The following DENND4B variants were observed in gnomAD, a reference collection of about 807,000 sequenced individuals.
DENND4B encodes DENN domain containing 4B.
A neutral mutation model predicts 161.0 loss-of-function variants in DENND4B; 67 were observed. That is an observed-to-expected ratio of 0.42 (90% CI 0.34 to 0.51). DENND4B has a LOEUF of 0.51. DENND4B is among the 20% of genes least tolerant of loss of function. DENND4B has a pLI of 0.08. For missense variants in DENND4B, 1,481 were observed against 1,968.0 expected, an observed-to-expected ratio of 0.75 and a Z score of 4.68; for synonymous variants, 753 against 813.8, an observed-to-expected ratio of 0.93 and a Z score of 1.27.
chr1:153,939,067 C>A, intron 12 of DENND4B, 22 bp from the exon 13 acceptor site: 1 of 1,609,474 alleles, frequency 6.2e-7, no homozygotes, highest in Non-Finnish European at 8.5e-7. Flanking sequence ...GAGAATGGGG[C>A]AGAGGAGGGG....
In DENND4B at chr1:153,930,384, C is replaced by T. The variant is rs747750051; in HGVS notation, c.4404G>A (p.Lys1468=). 3 of 1,614,038 alleles carry T rather than the reference C, an allele frequency of 1.9e-6. No individual in the cohort carries two copies. Among genetic ancestry groups the T allele is most frequent in the South Asian group, 2.2e-5 (2 of 91,092 alleles). ...AFNKLASSMG[K]EELRHRRAQM... ...GCGCCCGCCGGTGCCTCAGCTCCTC[C>T]TTGCCCATGCTGCTGGCCAGCTTGT... Residue 1468 remains lysine, a synonymous_variant, in exon 28 of 28, where the codon AAG becomes AAA. Transcript: ENST00000361217. The surrounding 1 kb of genome is among the most constrained non-coding windows in gnomAD (Gnocchi z 4.7).
Position 153,937,631 on chromosome 1 carries a change from A to G in DENND4B, c.2106-17T>C. Reference sequence around the variant, plus strand: ...CCATCATAGCTGGAGGGGCAGAGAGAAGCAACATCGGGGCAGTCAGCACAG... The same window carrying G: ...CCATCATAGCTGGAGGGGCAGAGAGGAGCAACATCGGGGCAGTCAGCACAG... On this transcript the variant is annotated splice_polypyrimidine_tract_variant and intron_variant, in intron 14 of 27. Coordinates refer to ENST00000361217, the MANE Select transcript of DENND4B (RefSeq NM_014856.3). This position sits in a 1 kb window ranked among gnomAD's most constrained non-coding sequence, Gnocchi z 4.7. 6.2e-7 allele frequency: 1 copy of G among 1,611,624 alleles called. No individual in the cohort carries two copies. Among genetic ancestry groups the G allele is most frequent in the Non-Finnish European group, 8.5e-7 (1 of 1,178,234 alleles).
In DENND4B at chr1:153,941,145, T is replaced by C. The variant is rs1679640928; in HGVS notation, c.1181+86A>G. The C allele has an allele frequency of 2.5e-6, 4 of 1,580,424 alleles. No individual in the cohort carries two copies. The East Asian group carries it at 7.0e-5, about 27-fold the overall frequency. On this transcript the variant is annotated intron_variant, in intron 8 of 27. Transcript: ENST00000361217. ...AGCCACCACCTGGACCCAGCCTGCA[T>C]AAACCTCAACAGCTGCACCCACCTG...
At chr1:153,939,474 A>T in intron 12 of DENND4B, 115 bp downstream of exon 12, 1 of 1,165,748 alleles carries the variant, frequency 8.6e-7, no homozygotes, top group Non-Finnish European at 1.2e-6. Context: ...ACATTTGCCT[A>T]GTGAAGGAAT....
rs945528004 is a variant in DENND4B at position 153,936,333 on chromosome 1, C to A, written c.2440-145G>T. 7 of 1,295,884 alleles carry A rather than the reference C, an allele frequency of 5.4e-6. No individual in the cohort carries two copies. Among genetic ancestry groups the A allele is most frequent in the African/African-American group, 1.5e-5 (1 of 67,434 alleles). 80.3% of individuals were successfully genotyped at this position (1,295,884 alleles called of 1,614,324 possible). On this transcript the variant is annotated intron_variant, in intron 16 of 27. Coordinates refer to ENST00000361217, the MANE Select transcript of DENND4B (RefSeq NM_014856.3). The surrounding 1 kb of genome is among the most constrained non-coding windows in gnomAD (Gnocchi z 4.1). ...CTGGGGCTACCTCAGAGCCACCCAC[C>A]CTTTCTGCTGACCCTGCCACCCTAC...
intron 6 of DENND4B, 96 bp downstream of exon 6, chr1:153,941,773 C>CTGGGGGGG: frequency 9.1e-6 from 13 of 1,426,290 alleles, no homozygotes; most frequent in Non-Finnish European, 1.1e-5. Context: ...ACCCTGTGCC[C>CTGGGGGGG]AGCCCTCCCC....
In DENND4B at chr1:153,933,839, C is replaced by T; in HGVS notation, c.2974G>A (p.Gly992Arg). ...IEALGVLEPR[G>R]SPVPWHDGSL... ...CCATCGTGCCAGGGCACAGGTGATC[C>T]CCGGGGTTCCAGGACCCCCAAGGCC... The change falls in exon 20 of 28, where the codon GGA (glycine) becomes AGA (arginine). Residue 992 changes from glycine (G) to arginine (R), a missense_variant. Physicochemically the swap from Gly to Arg is moderately radical, Grantham distance 125. This residue lies in a region of DENND4B where 339 missense variants were observed against 330.3 expected (regional missense o/e 1.03). Transcript: ENST00000361217. The surrounding 1 kb of genome is among the most constrained non-coding windows in gnomAD (Gnocchi z 5.7). The T allele has an allele frequency of 6.2e-7, 1 of 1,613,288 alleles. No homozygotes were observed. Among genetic ancestry groups the T allele is most frequent in the South Asian group, 1.1e-5 (1 of 91,070 alleles).
Position 153,940,330 on chromosome 1 carries a change from T to G in DENND4B, c.1503-74A>C. ...TGACGGGGTTCCTTGCCAGCCTCCC[T>G]CACTTTGTGCCTGAAGCTCTTTTTG... On this transcript the variant is annotated intron_variant, in intron 10 of 27. Coordinates refer to ENST00000361217, the MANE Select transcript of DENND4B (RefSeq NM_014856.3). The surrounding 1 kb of genome is among the most constrained non-coding windows in gnomAD (Gnocchi z 5.6). 6.4e-7 allele frequency: 1 copy of G among 1,562,408 alleles called. No individual in the cohort carries two copies. Among genetic ancestry groups the G allele is most frequent in the Non-Finnish European group, 8.7e-7 (1 of 1,150,420 alleles).
At position 153,933,388 on chromosome 1, in the gene DENND4B, A is replaced by G; in HGVS notation, c.3331-69T>C. The G allele has an allele frequency of 1.2e-6, 2 of 1,609,112 alleles. No individual in the cohort carries two copies. Among genetic ancestry groups the G allele is most frequent in the Non-Finnish European group, 8.5e-7 (1 of 1,177,974 alleles). On this transcript the variant is annotated intron_variant, in intron 20 of 27. Transcript: ENST00000361217. This position sits in a 1 kb window ranked among gnomAD's most constrained non-coding sequence, Gnocchi z 5.7. ...TCCACCCAGGATATGTGTTTCAAGC[A>G]CCCCTCAGAGCCCCCTTTTTGAGCA...
At chr1:153,941,707 C>T (rs550803782) in intron 6 of DENND4B, among the ~76,000 whole-genome samples, 162 bp downstream of exon 6, 85 of 152,234 alleles carry the variant, frequency 5.6e-4, no homozygotes, top group Non-Finnish European at 1.0e-3. Flanking sequence ...CTCCTCAGCC[C>T]GTGGCGTTTT....
rs878947400 is a variant in DENND4B at position 153,938,840 on chromosome 1, G to A, written c.1965+60C>T. On this transcript the variant is annotated intron_variant, in intron 13 of 27. Coordinates refer to ENST00000361217, the MANE Select transcript of DENND4B (RefSeq NM_014856.3). ...CGATTCCGTCTAAAATGGCCTTGGG[G>A]CAACAGAGACAATGAGGGAGACAGC... The A allele has an allele frequency of 8.4e-6, 13 of 1,546,758 alleles. No homozygotes were observed. The South Asian group carries it at 1.3e-4, about 16-fold the overall frequency.
chr1:153,938,448 A>G (rs1679477265), intron 13 of DENND4B, among the ~76,000 whole-genome samples: 1 of 149,476 alleles, frequency 6.7e-6, no homozygotes, highest in Non-Finnish European at 1.5e-5. Flanking sequence ...AACGCTTGTA[A>G]TCCCAGCACC....
At position 153,946,471 on chromosome 1, in the gene DENND4B, C is replaced by G; in HGVS notation, c.-194G>C. On this transcript the variant is annotated 5_prime_UTR_variant, in exon 1 of 28. Transcript: ENST00000361217. The surrounding 1 kb of genome is among the most constrained non-coding windows in gnomAD (Gnocchi z 6.3). ...GAAGAGGCGGCCGAGGACCGCAGAG[C>G]GCGGGGCGCAGTGGAAGGAGATCCG... is the stretch of plus-strand genomic sequence containing the variant. 1 of 389,794 alleles carries G rather than the reference C, an allele frequency of 2.6e-6. No individual in the cohort carries two copies. The highest frequency in any genetic ancestry group is 4.5e-6 in the Non-Finnish European group (1 of 220,204). 24.1% of individuals were successfully genotyped at this position (389,794 alleles called of 1,614,324 possible).
Position 153,932,585 on chromosome 1 carries a change from C to T in DENND4B, c.3759+57G>A. ...GTGCCCATCTCTCCCTGGCACCCCACAGGCCCCACACAGGGCAACATTCCC... is the reference window on the plus strand; with the variant it reads ...GTGCCCATCTCTCCCTGGCACCCCATAGGCCCCACACAGGGCAACATTCCC... On this transcript the variant is annotated intron_variant, in intron 23 of 27. Coordinates refer to ENST00000361217, the MANE Select transcript of DENND4B (RefSeq NM_014856.3). This position sits in a 1 kb window ranked among gnomAD's most constrained non-coding sequence, Gnocchi z 5.8. 6.3e-7 allele frequency: 1 copy of T among 1,581,280 alleles called. No individual in the cohort carries two copies. Among genetic ancestry groups the T allele is most frequent in the Non-Finnish European group, 8.6e-7 (1 of 1,161,238 alleles).
In DENND4B at chr1:153,934,802, CCTGCTGCTG is replaced by C. The variant is rs3835302; in HGVS notation, c.2722_2730del (p.Gln908_Gln910del). 465,775 of 1,590,212 alleles carry C rather than the reference CCTGCTGCTG, an allele frequency of 0.29. 58,623 individuals carry two copies. Among genetic ancestry groups the C allele is most frequent in the Admixed American group, 0.4 (23,375 of 58,628 alleles). On this transcript the variant is annotated inframe_deletion, in exon 18 of 28. Transcript: ENST00000361217. This position sits in a 1 kb window ranked among gnomAD's most constrained non-coding sequence, Gnocchi z 5.3. The stretch of plus-strand genomic sequence containing the variant: ...GCCTCTTGATGTGCTGACACCTGCT[CCTGCTGCTG>C]CTGCTGCTGCTGCTGCTGTTGCTGC...
At position 153,933,801 on chromosome 1, in the gene DENND4B, G is replaced by T. The variant is rs756087625; in HGVS notation, c.3012C>A (p.Asp1004Glu). ...PVPWHDGSLS[D>E]LSLTGEEPLP... ...GCGGCTCCTCCCCTGTCAGGCTCAG[G>T]TCTGAGAGACTTCCATCGTGCCAGG... The change falls in exon 20 of 28, where the codon GAC (aspartate) becomes GAA (glutamate). Residue 1004 changes from aspartate to glutamate, a missense_variant. By Grantham distance (45) the Asp-to-Glu change is conservative. Transcript: ENST00000361217. This position sits in a 1 kb window ranked among gnomAD's most constrained non-coding sequence, Gnocchi z 5.7. 6.2e-6 allele frequency: 10 copies of T among 1,612,794 alleles called. No individual in the cohort carries two copies. The East Asian group carries it at 2.2e-4, about 36-fold the overall frequency.
chr1:153,934,400 C>T lies in DENND4B; in HGVS notation c.2774-98G>A. On this transcript the variant is annotated intron_variant, in intron 18 of 27. Coordinates refer to ENST00000361217, the MANE Select transcript of DENND4B (RefSeq NM_014856.3). This position sits in a 1 kb window ranked among gnomAD's most constrained non-coding sequence, Gnocchi z 5.3. ...TAGATGGACCAGGGTTTGCAGGGTT[C>T]CTCCCAGGCAAAACTTTATCCGTTT... The T allele has an allele frequency of 2.1e-6, 3 of 1,424,994 alleles. No homozygotes were observed. Among genetic ancestry groups the T allele is most frequent in the Admixed American group, 2.8e-5 (1 of 35,862 alleles). 88.3% of individuals were successfully genotyped at this position (1,424,994 alleles called of 1,614,324 possible).
chr1:153,933,440 G>T lies in DENND4B; in HGVS notation c.3330+43C>A. 6.3e-7 allele frequency: 1 copy of T among 1,589,946 alleles called. No individual in the cohort carries two copies. On this transcript the variant is annotated intron_variant, in intron 20 of 27. Coordinates refer to ENST00000361217, the MANE Select transcript of DENND4B (RefSeq NM_014856.3). This position sits in a 1 kb window ranked among gnomAD's most constrained non-coding sequence, Gnocchi z 5.7. Reference sequence around the variant, plus strand: ...TCTTCCAGTCGTAGCCCCTCCCCAAGCCCACTAATGCTAAGGCATCTGGAC... The same window carrying T: ...TCTTCCAGTCGTAGCCCCTCCCCAATCCCACTAATGCTAAGGCATCTGGAC...
rs779696245 is a variant in DENND4B at position 153,934,161 on chromosome 1, G to C, written c.2915C>G (p.Pro972Arg). 1 of 1,584,232 alleles carries C rather than the reference G, an allele frequency of 6.3e-7. No individual in the cohort carries two copies. The highest frequency in any genetic ancestry group is 1.2e-5 in the South Asian group (1 of 86,240). ...GTGGGCCACACCGGCCTCCACAGTG[G>C]GCTGTGCCCCTCGGGCACTGCCCAG... ...GSLGSARGAQ[P>R]TVEAGVAHMI... is the part of the protein sequence containing the mutation. Residue 972 changes from proline (P) to arginine (R), a missense_variant, in exon 19 of 28, where the codon CCC (proline) becomes CGC (arginine). Pro to Arg is a moderately radical substitution (Grantham distance 103, BLOSUM62 -2). Around this residue, in one of 3 missense-constraint regions of DENND4B, gnomAD observed 339 missense variants for 330.3 expected, o/e 1.03. Coordinates refer to ENST00000361217, the MANE Select transcript of DENND4B (RefSeq NM_014856.3). The surrounding 1 kb of genome is among the most constrained non-coding windows in gnomAD (Gnocchi z 5.3).
Sources: allele counts gnomAD v4.1 joint callset (sites outside exome capture counted in the v4.1 genomes callset), GRCh38; gene constraint gnomAD v4.1.1; regional missense constraint gnomAD v4.1.1; non-coding constraint Gnocchi (gnomAD v3.1); transcripts MANE v1.5; gene names NCBI Gene and HGNC (gene_info 2026-07-23, HGNC 2026-07-21).